NDC80: variants seen among roughly 807,000 people sequenced by gnomAD.
The protein encoded by NDC80 is NDC80 kinetochore complex component.
In NDC80, 69 loss-of-function variants were observed where a neutral mutation model predicts 89.3. The observed-to-expected ratio is 0.77, with a 90% confidence interval of 0.64 to 0.94. The LOEUF is 0.94. Ranked by LOEUF, NDC80 falls within the 40% of genes least tolerant of loss-of-function variation. NDC80 has a pLI of 0.00. For synonymous variants in NDC80, 243 were observed against 255.6 expected (o/e 0.95, Z 0.47); for missense variants, 593 against 739.6 (o/e 0.80, Z 2.30).
chr18:2,590,187 CTG>C (rs747090710), intron 10 of NDC80, 25 bp downstream of exon 10: 1 of 1,544,374 alleles, frequency 6.5e-7, no homozygotes, highest in African/African-American at 1.4e-5. Context: ...TGCTAAAAGA[CTG>C]GGATGCGAAC....
At chr18:2,600,378 A>G (rs551630966) in intron 12 of NDC80, among the ~76,000 whole-genome samples, 116 of 152,308 alleles carry the variant, frequency 7.6e-4, no homozygotes, top group African/African-American at 2.6e-3. Flanking sequence ...TGGGAGGCCT[A>G]AGTGGGCAGA....
chr18:2,582,269 G>A (rs111345313), intron 6 of NDC80: 7,768 of 152,092 alleles, frequency 0.051, 645 homozygotes, highest in African/African-American at 0.18. Context: ...TAGAGACAGC[G>A]TGTCACCATG....
intron 16 of NDC80, among the ~76,000 whole-genome samples, chr18:2,614,613 G>GAA (rs1336939086): frequency 9.5e-5 from 1 of 10,572 alleles, no homozygotes. Flanking sequence ...AAGAAAGAAA[G>GAA]AAAGAAAGAA....
At chr18:2,603,661 T>C (rs1172321387) in intron 13 of NDC80, among the ~76,000 whole-genome samples, 1 of 151,932 alleles carries the variant, frequency 6.6e-6, no homozygotes, top group Non-Finnish European at 1.5e-5. Flanking sequence ...TTTATAGAGA[T>C]GGTGGAAATT....
intron 3 of NDC80, among the ~76,000 whole-genome samples, chr18:2,576,830 C>A (rs1389487232): frequency 1.3e-5 from 2 of 152,118 alleles, no homozygotes; most frequent in East Asian, 1.9e-4. Flanking sequence ...AAAAGTTCAA[C>A]CCCAAAATTA....
At chr18:2,598,403 T>C (rs1034693213) in intron 11 of NDC80, among the ~76,000 whole-genome samples, 2 of 152,182 alleles carry the variant, frequency 1.3e-5, no homozygotes, top group Non-Finnish European at 2.9e-5. Flanking sequence ...TGAACAAATA[T>C]ATGTCAGGTA....
intron 7 of NDC80, among the ~76,000 whole-genome samples, 184 bp from the exon 8 acceptor site, chr18:2,587,646 G>A (rs1056108272): frequency 6.6e-6 from 1 of 152,042 alleles, no homozygotes. Flanking sequence ...AGAAGTAGCA[G>A]ACTAAATAAG....
At chr18:2,579,553 G>C (rs976104892) in intron 6 of NDC80, among the ~76,000 whole-genome samples, 25 of 152,022 alleles carry the variant, frequency 1.6e-4, no homozygotes, top group African/African-American at 6.0e-4. Context: ...TCAGCCTCCT[G>C]AGTAGCTGGG....
intron 8 of NDC80, 65 bp downstream of exon 8, chr18:2,587,988 T>G: frequency 7.9e-7 from 1 of 1,260,542 alleles, no homozygotes; most frequent in Admixed American, 1.7e-5. Flanking sequence ...GAGTGGTAAT[T>G]TATTTACCAT....
At position 2,578,064 on chromosome 18, in the gene NDC80, T is replaced by C; in HGVS notation, c.399T>C (p.Tyr133=). The change falls in exon 5 of 17, where the codon TAT becomes TAC. Residue 133 remains tyrosine, a synonymous_variant. Transcript: ENST00000261597. Reference sequence around the variant, plus strand: ...TCCTGAAGATCTTCACATTTCTTTATGGCTTCCTGTGCCCCTCATACGAAC... The same window carrying C: ...TCCTGAAGATCTTCACATTTCTTTACGGCTTCCTGTGCCCCTCATACGAAC... ...KDFLKIFTFL[Y]GFLCPSYELP... The C allele has an allele frequency of 6.2e-7, 1 of 1,614,122 alleles. No homozygotes were observed. Among genetic ancestry groups the C allele is most frequent in the Non-Finnish European group, 8.5e-7 (1 of 1,180,002 alleles).
intron 7 of NDC80, among the ~76,000 whole-genome samples, 180 bp downstream of exon 7, chr18:2,585,382 G>A (rs971417980): frequency 5.9e-5 from 9 of 152,130 alleles, no homozygotes; most frequent in African/African-American, 2.2e-4. Flanking sequence ...GCTTGGCCTA[G>A]CCTACCTTAA....
Position 2,590,039 on chromosome 18 carries a change from A to G in NDC80, c.892A>G (p.Lys298Glu). The change falls in exon 10 of 17, where the codon AAA (lysine) becomes GAA (glutamate). Residue 298 changes from lysine to glutamate, a missense_variant. By Grantham distance (56) the Lys-to-Glu change is moderately conservative. Coordinates refer to ENST00000261597, the MANE Select transcript of NDC80 (RefSeq NM_006101.3). ...AAAGAATCGTCTAGAGTCGTTGAGA[A>G]AACTGAAGGCTTCCTTACAAGGAGA... ...KEPNRLESLR[K>E]LKASLQGDVQ... 6.2e-7 allele frequency: 1 copy of G among 1,604,752 alleles called. No individual in the cohort carries two copies. Among genetic ancestry groups the G allele is most frequent in the Non-Finnish European group, 8.5e-7 (1 of 1,175,980 alleles).
At chr18:2,584,244 C>T (rs2072592746) in intron 6 of NDC80, among the ~76,000 whole-genome samples, 1 of 149,022 alleles carries the variant, frequency 6.7e-6, no homozygotes, top group Admixed American at 6.7e-5. Flanking sequence ...GCTGAGATTG[C>T]ACCACTGCAC....
At chr18:2,612,276 CTTTTTTTTTTTTTTTTTTTTT>C (rs55648444) in intron 16 of NDC80, among the ~76,000 whole-genome samples, 2 of 60,398 alleles carry the variant, frequency 3.3e-5, no homozygotes, top group African/African-American at 6.5e-5. Flanking sequence ...TCTTTTCTTT[CTTTTTTTTTTTTTTTTTTTTT>C]TTTTTTTTTT....
At chr18:2,573,630 T>C (rs1410819193) in intron 2 of NDC80, among the ~76,000 whole-genome samples, 1 of 152,238 alleles carries the variant, frequency 6.6e-6, no homozygotes, top group Middle Eastern at 3.2e-3. Context: ...GAAGGCTATT[T>C]GTAAGCCATT....
At chr18:2,576,760 C>G (rs1019619447) in intron 3 of NDC80, among the ~76,000 whole-genome samples, 1 of 152,118 alleles carries the variant, frequency 6.6e-6, no homozygotes, top group Non-Finnish European at 1.5e-5. Context: ...AAACTGTATG[C>G]TTTAAACAGG....
chr18:2,612,241 T>G (rs2072748411), intron 16 of NDC80, among the ~76,000 whole-genome samples: 1 of 148,462 alleles, frequency 6.7e-6, no homozygotes, highest in African/African-American at 2.5e-5. Context: ...TAAACAGTTG[T>G]GAACATCCTT....
At position 2,578,083 on chromosome 18, in the gene NDC80, TAC is replaced by T; in HGVS notation, c.419_420del (p.Tyr140Ter). On this transcript the variant is annotated frameshift_variant, in exon 5 of 17. Coordinates refer to ENST00000261597, the MANE Select transcript of NDC80 (RefSeq NM_006101.3). LOFTEE classifies it high-confidence loss of function. The stretch of plus-strand genomic sequence containing the variant: ...TCTTTATGGCTTCCTGTGCCCCTCA[TAC>T]GAACTTCCTGACACAAAGTTTGAAG... ...TFLYGFLCPS[Y>X]ELPDTKFEEE... 2.4e-5 allele frequency: 39 copies of T among 1,614,054 alleles called. No individual in the cohort carries two copies. Among genetic ancestry groups the T allele is most frequent in the Non-Finnish European group, 3.2e-5 (38 of 1,179,992 alleles).
At chr18:2,572,941 GAA>G (rs1355090043) in intron 1 of NDC80, 34 bp from the exon 2 acceptor site, 2 of 1,551,532 alleles carry the variant, frequency 1.3e-6, no homozygotes, top group African/African-American at 2.7e-5. Context: ...TCTCTGTCTG[GAA>G]AGTTTTTTTT....
Sources: allele counts gnomAD v4.1 joint callset (sites outside exome capture counted in the v4.1 genomes callset), GRCh38; gene constraint gnomAD v4.1.1; transcripts MANE v1.5; gene names NCBI Gene and HGNC (gene_info 2026-07-23, HGNC 2026-07-21).